ADAM28: variants seen among roughly 807,000 people sequenced by gnomAD.
ADAM28 encodes disintegrin and metalloproteinase domain-containing protein 28.
ADAM28 carries 105 observed loss-of-function variants against 101.2 expected under a neutral mutation model. The ratio of observed to expected loss-of-function variants is 1.04; its 90% CI spans 0.89 to 1.22. The LOEUF is 1.22. Among genes scored for constraint, ADAM28 ranks in the 50% most tolerant of loss-of-function variants. The pLI is 0.00. For synonymous variants in ADAM28, 322 were observed against 310.6 expected, an observed-to-expected ratio of 1.04 and a Z score of -0.39; for missense variants, 1,028 against 945.4, an observed-to-expected ratio of 1.09 and a Z score of -1.15.
At chr8:24,315,241 T>C (rs1811010080) in intron 6 of ADAM28, among the ~76,000 whole-genome samples, 1 of 151,914 alleles carries the variant, frequency 6.6e-6, no homozygotes, top group African/African-American at 2.4e-5. Flanking sequence ...GAAGAACATA[T>C]TCCATGCAAA....
intron 1 of ADAM28, among the ~76,000 whole-genome samples, chr8:24,298,368 T>C (rs879890357): frequency 6.6e-6 from 1 of 152,184 alleles, no homozygotes; most frequent in Admixed American, 6.5e-5. Flanking sequence ...AAGTTAAATG[T>C]AAGTGACTCT....
chr8:24,344,328 T>A (rs921993817), intron 18 of ADAM28, among the ~76,000 whole-genome samples: 1 of 152,122 alleles, frequency 6.6e-6, no homozygotes, highest in African/African-American at 2.4e-5. Flanking sequence ...TCATTGACGC[T>A]CCCCTCTCTG....
intron 3 of ADAM28, 36 bp from the exon 4 acceptor site, chr8:24,310,127 C>T (rs1398283485): frequency 1.2e-6 from 2 of 1,602,278 alleles, no homozygotes; most frequent in Non-Finnish European, 1.7e-6. Context: ...GCAATCAGCA[C>T]AAGTAACCAC....
rs1311228318 is a variant in ADAM28 at position 24,356,426 on chromosome 8, G to C, written c.*2022G>C. 5 of 152,188 alleles carry C rather than the reference G, an allele frequency of 3.3e-5. No homozygotes were observed. Among genetic ancestry groups the C allele is most frequent in the Admixed American group, 3.3e-4 (5 of 15,268 alleles). The allele number at this position is 152,188 out of a possible 1,614,324, so 9.4% of individuals were successfully genotyped here. A position where few individuals can be genotyped will look rare whatever the true frequency, so the allele number is the denominator to read the frequency against. ...ACTAAACCATACACTCTCAAAAGCAGTGGCATGTGAACATGCCTGCAAGTT... is the reference window on the plus strand; with the variant it reads ...ACTAAACCATACACTCTCAAAAGCACTGGCATGTGAACATGCCTGCAAGTT... On this transcript the variant is annotated 3_prime_UTR_variant, in exon 23 of 23. Transcript: ENST00000265769.
At chr8:24,346,456 C>T (rs950831182) in intron 18 of ADAM28, among the ~76,000 whole-genome samples, 12 of 152,026 alleles carry the variant, frequency 7.9e-5, no homozygotes, top group African/African-American at 2.7e-4. Context: ...AACTGTATCC[C>T]AACATCAATA....
intron 2 of ADAM28, among the ~76,000 whole-genome samples, chr8:24,306,640 T>C (rs1809732471): frequency 6.6e-6 from 1 of 151,952 alleles, no homozygotes; most frequent in Non-Finnish European, 1.5e-5. Context: ...TATGTCACCA[T>C]GGTCATAGGG....
intron 1 of ADAM28, among the ~76,000 whole-genome samples, chr8:24,295,143 C>A (rs970392072): frequency 6.6e-6 from 1 of 152,116 alleles, no homozygotes; most frequent in Admixed American, 6.6e-5. Flanking sequence ...CTGTGTCTCA[C>A]CTGTTTCTGA....
chr8:24,340,500 G>A (rs1369849148), intron 15 of ADAM28, among the ~76,000 whole-genome samples: 1 of 152,184 alleles, frequency 6.6e-6, no homozygotes, highest in Non-Finnish European at 1.5e-5. Flanking sequence ...AATGGGAAGA[G>A]AGTGGGTCTC....
intron 5 of ADAM28, among the ~76,000 whole-genome samples, chr8:24,312,745 G>T (rs10108976): frequency 0.023 from 3,540 of 151,646 alleles, 155 homozygotes; most frequent in African/African-American, 0.08. Context: ...CTTTATTTTT[G>T]CTGTCTACCC....
chr8:24,345,605 G>A (rs951956838), intron 18 of ADAM28, among the ~76,000 whole-genome samples: 2 of 151,796 alleles, frequency 1.3e-5, no homozygotes, highest in African/African-American at 4.8e-5. Flanking sequence ...TGCATTGAGA[G>A]TACCCTAAAT....
chr8:24,336,580 C>CAGAAAAAAAAA, intron 14 of ADAM28, among the ~76,000 whole-genome samples: 1 of 61,642 alleles, frequency 1.6e-5, no homozygotes, highest in African/African-American at 6.3e-5. Context: ...ACTCCGTCTC[C>CAGAAAAAAAAA]AAAAAAAAAA....
chr8:24,336,157 GA>G, intron 14 of ADAM28: 1 of 985,440 alleles, frequency 1.0e-6, no homozygotes. Flanking sequence ...AAAGAAAAGT[GA>G]AAGTTCTTAA....
chr8:24,339,743 AAAC>A (rs1433962773), intron 15 of ADAM28, among the ~76,000 whole-genome samples, 175 bp downstream of exon 15: 1 of 152,220 alleles, frequency 6.6e-6, no homozygotes, highest in East Asian at 1.9e-4. Flanking sequence ...ACCGAGTCTA[AAAC>A]AACAAATAAG....
Position 24,355,883 on chromosome 8 carries a change from G to A in ADAM28, c.*1479G>A, listed in dbSNP as rs555858157. 1 of 152,090 alleles carries A rather than the reference G, an allele frequency of 6.6e-6. No homozygotes were observed. The highest frequency in any genetic ancestry group is 2.1e-4 in the South Asian group (1 of 4,824). The allele number at this position is 152,090 out of a possible 1,614,324, so 9.4% of individuals were successfully genotyped here. On this transcript the variant is annotated 3_prime_UTR_variant, in exon 23 of 23. Transcript: ENST00000265769. ...AGTAAAGTAGCTGTTTCCATAATCA[G>A]GGAACATGCTTTAGTTCATCATCAC...
chr8:24,331,032 G>T, intron 11 of ADAM28, 118 bp from the exon 12 acceptor site: 1 of 1,004,236 alleles, frequency 1.0e-6, no homozygotes, highest in Non-Finnish European at 1.4e-6. Flanking sequence ...CAGTTGGTCA[G>T]TGGATTGGAT....
chr8:24,344,385 A>C (rs62498248), intron 18 of ADAM28, among the ~76,000 whole-genome samples: 15,145 of 152,136 alleles, frequency 0.1, 996 homozygotes, highest in East Asian at 0.26. Flanking sequence ...CCTCCTGTTC[A>C]TGTTCCTGCA....
chr8:24,299,813 T>C (rs1208011917), intron 1 of ADAM28, 161 bp from the exon 2 acceptor site: 8 of 510,234 alleles, frequency 1.6e-5, no homozygotes, highest in Non-Finnish European at 1.4e-5. Flanking sequence ...TTTCTGAGGT[T>C]GTTGCTCTCT....
intron 8 of ADAM28, among the ~76,000 whole-genome samples, chr8:24,323,289 C>T (rs10081531): frequency 0.061 from 9,338 of 151,960 alleles, 964 homozygotes; most frequent in African/African-American, 0.21. Context: ...CCTAACACCA[C>T]CACCTTGGGA....
intron 8 of ADAM28, among the ~76,000 whole-genome samples, chr8:24,323,630 CT>C (rs1812166293): frequency 6.6e-6 from 1 of 151,878 alleles, no homozygotes; most frequent in Admixed American, 6.6e-5. Flanking sequence ...CGGACCTAAA[CT>C]ATCTTAGTGT....
Sources: allele counts gnomAD v4.1 joint callset (sites outside exome capture counted in the v4.1 genomes callset), GRCh38; gene constraint gnomAD v4.1.1; transcripts MANE v1.5; gene names NCBI Gene and HGNC (gene_info 2026-07-23, HGNC 2026-07-21).